RIMS3: variants seen among roughly 807,000 people sequenced by gnomAD.
RIMS3 encodes regulating synaptic membrane exocytosis 3.
RIMS3 carries 15 observed loss-of-function variants against 29.2 expected under a neutral mutation model. That is an observed-to-expected ratio of 0.51 (90% confidence interval 0.34 to 0.79). The LOEUF is 0.79. Ranked by LOEUF, RIMS3 falls within the 30% of genes least tolerant of loss-of-function variation. RIMS3 has a pLI of 0.01. For synonymous variants in RIMS3, 161 were observed against 170.1 expected (o/e 0.95, Z 0.41); for missense variants, 342 against 421.4 (o/e 0.81, Z 1.65).
In RIMS3 at chr1:40,621,130, T is replaced by G. The variant is rs1012936731; in HGVS notation, c.*5387A>C. 2.0e-4 allele frequency: 30 copies of G among 152,192 alleles called. No homozygotes were observed. The highest frequency in any genetic ancestry group is 6.8e-4 in the African/African-American group (28 of 41,438). The allele number at this position is 152,192 out of a possible 1,614,324, so 9.4% of individuals were successfully genotyped here. A position where few individuals can be genotyped will look rare whatever the true frequency, so the allele number is the denominator to read the frequency against. On this transcript the variant is annotated 3_prime_UTR_variant, in exon 8 of 8. Transcript: ENST00000372684. ...AGTGGTCTTAAGAAGCAAACTACTT[T>G]GAAGGGAAATAAGTTCCCTCTCTCC...
chr1:40,627,211 C>T (rs1413864502), intron 7 of RIMS3, among the ~76,000 whole-genome samples: 1 of 152,140 alleles, frequency 6.6e-6, no homozygotes, highest in East Asian at 1.9e-4. Context: ...CTCACTGGAC[C>T]TCAGTGTTTC....
chr1:40,629,688 C>A (rs986267664), intron 5 of RIMS3, among the ~76,000 whole-genome samples: 1 of 152,106 alleles, frequency 6.6e-6, no homozygotes, highest in African/African-American at 2.4e-5. Flanking sequence ...AGCAGAATAG[C>A]AAACTTGAGG....
chr1:40,633,188 G>A lies in RIMS3; in HGVS notation c.360-7C>T, dbSNP rs1312923442. The stretch of plus-strand genomic sequence containing the variant: ...GGTAGTGGGGAAGATGAACCTGCAG[G>A]AGGAGGCAGAGGGACGCGTGAGGGG... On this transcript the variant is annotated splice_polypyrimidine_tract_variant and splice_region_variant and intron_variant, in intron 4 of 7. Transcript: ENST00000372684. The A allele has an allele frequency of 2.5e-6, 4 of 1,611,010 alleles. No individual in the cohort carries two copies. Among genetic ancestry groups the A allele is most frequent in the Admixed American group, 1.7e-5 (1 of 60,002 alleles).
chr1:40,680,733 A>G, the RIMS3 span, among the ~76,000 whole-genome samples: 1 of 152,242 alleles, frequency 6.6e-6, no homozygotes. Context: ...TGCTATGTGC[A>G]ATTAATTCAA....
At chr1:40,670,577 TA>T (rs1395885732), upstream of RIMS3, among the ~76,000 whole-genome samples, 2 of 69,410 alleles carry the variant, frequency 2.9e-5, no homozygotes, top group Non-Finnish European at 6.1e-5. Context: ...TATAATTTTA[TA>T]TATATATATA....
Position 40,625,733 on chromosome 1 carries a change from C to G in RIMS3, c.*784G>C, listed in dbSNP as rs1033449437. ...GCTTGAAGAGACAGGAGATGAAGAA[C>G]AAATGCTAAGGGGGCACCTGGCCAG... On this transcript the variant is annotated 3_prime_UTR_variant, in exon 8 of 8. Transcript: ENST00000372684. 1 of 152,722 alleles carries G rather than the reference C, an allele frequency of 6.5e-6. No homozygotes were observed. The highest frequency in any genetic ancestry group is 1.5e-5 in the Non-Finnish European group (1 of 68,212). 9.5% of individuals were successfully genotyped at this position (152,722 alleles called of 1,614,324 possible).
At chr1:40,667,435 G>A (rs1470047926), upstream of RIMS3, among the ~76,000 whole-genome samples, 2 of 152,114 alleles carry the variant, frequency 1.3e-5, no homozygotes, top group East Asian at 3.9e-4. Context: ...GGCTTCCTGT[G>A]TGCTCCTCCC....
intron 3 of RIMS3, among the ~76,000 whole-genome samples, chr1:40,639,395 A>T (rs1162776376): frequency 2.6e-5 from 4 of 152,204 alleles, no homozygotes; most frequent in Admixed American, 2.0e-4. Context: ...TGGAGAAGGA[A>T]TTCTAGATGG....
Position 40,625,768 on chromosome 1 carries a change from A to C in RIMS3, c.*749T>G, listed in dbSNP as rs1367954930. On this transcript the variant is annotated 3_prime_UTR_variant, in exon 8 of 8. Coordinates refer to ENST00000372684, the MANE Select transcript of RIMS3 (RefSeq NM_014747.3). ...GGGGGCACCTGGCCAGGAACCCTGGAACCAAGACCTCGTGCTTCACTGGAA... is the reference window on the plus strand; with the variant it reads ...GGGGGCACCTGGCCAGGAACCCTGGCACCAAGACCTCGTGCTTCACTGGAA... 1 of 152,956 alleles carries C rather than the reference A, an allele frequency of 6.5e-6. No homozygotes were observed. The highest frequency in any genetic ancestry group is 1.5e-5 in the Non-Finnish European group (1 of 68,366). The allele number at this position is 152,956 out of a possible 1,614,324, so 9.5% of individuals were successfully genotyped here. A position where few individuals can be genotyped will look rare whatever the true frequency, so the allele number is the denominator to read the frequency against.
chr1:40,629,224 G>A (rs768762286), intron 6 of RIMS3, 47 bp downstream of exon 6: 27 of 1,500,346 alleles, frequency 1.8e-5, no homozygotes, highest in East Asian at 6.8e-5. Context: ...CCCAGAGCTC[G>A]GCTCTATGCC....
the RIMS3 span, among the ~76,000 whole-genome samples, chr1:40,671,620 C>T: frequency 2.6e-5 from 4 of 152,142 alleles, no homozygotes; most frequent in African/African-American, 9.7e-5. Flanking sequence ...CCATGTAAGA[C>T]GCGCTGGCTC....
chr1:40,628,156 C>T (rs916192697), intron 7 of RIMS3, among the ~76,000 whole-genome samples: 19 of 152,188 alleles, frequency 1.2e-4, no homozygotes, highest in Admixed American at 7.9e-4. Flanking sequence ...CACATCTACC[C>T]GCGGCTAATG....
At position 40,628,833 on chromosome 1, in the gene RIMS3, C is replaced by T. The variant is rs1646470570; in HGVS notation, c.691G>A (p.Gly231Arg). The change falls in exon 7 of 8, where the codon GGA becomes AGA. Residue 231 changes from glycine (G) to arginine (R), a missense_variant. Physicochemically the swap from Gly to Arg is moderately radical, Grantham distance 125. Transcript: ENST00000372684. Reference sequence around the variant, plus strand: ...ACCTGCAGCACCTTGCCCTGGGGTCCCTCGTCAAAGAGCAGAGCCTGCTGG... The same window carrying T: ...ACCTGCAGCACCTTGCCCTGGGGTCTCTCGTCAAAGAGCAGAGCCTGCTGG... ...LYQQALLFDE[G>R]PQGKVLQVIV... 5 of 1,614,158 alleles carry T rather than the reference C, an allele frequency of 3.1e-6. No individual in the cohort carries two copies. Among genetic ancestry groups the T allele is most frequent in the Non-Finnish European group, 4.2e-6 (5 of 1,180,036 alleles).
chr1:40,632,180 A>AGCG (rs1646493110), intron 5 of RIMS3, among the ~76,000 whole-genome samples: 1 of 151,926 alleles, frequency 6.6e-6, no homozygotes, highest in South Asian at 2.1e-4. Context: ...CACTGCAACC[A>AGCG]GCTTCTTCCA....
At chr1:40,685,347 TA>T in the RIMS3 span, among the ~76,000 whole-genome samples, 1 of 46,522 alleles carries the variant, frequency 2.1e-5, no homozygotes, top group Non-Finnish European at 4.2e-5. Flanking sequence ...TTATATTATA[TA>T]TATATTATAT....
chr1:40,644,987 A>C (rs144805646), intron 2 of RIMS3, among the ~76,000 whole-genome samples: 3 of 152,386 alleles, frequency 2.0e-5, no homozygotes, highest in African/African-American at 2.4e-5. Flanking sequence ...TCACCTGGTC[A>C]GCATGGCTCC....
chr1:40,669,582 C>A (rs1642466520), upstream of RIMS3: 1 of 152,212 alleles, frequency 6.6e-6, no homozygotes, highest in South Asian at 2.1e-4. Flanking sequence ...GGAGGGATCC[C>A]AGAGGAGACG....
chr1:40,645,173 T>G (rs1437706479), intron 2 of RIMS3, among the ~76,000 whole-genome samples: 1 of 152,222 alleles, frequency 6.6e-6, no homozygotes, highest in Non-Finnish European at 1.5e-5. Flanking sequence ...GACTGGGGCC[T>G]ATGATGATCT....
chr1:40,659,598 AG>A (rs1360327216), intron 1 of RIMS3, among the ~76,000 whole-genome samples: 5 of 152,206 alleles, frequency 3.3e-5, no homozygotes, highest in Non-Finnish European at 7.3e-5. Flanking sequence ...CAGAGTTCAC[AG>A]CCTAGCATGA....
Sources: gnomAD v4.1 joint callset for allele counts (sites outside exome capture counted in the v4.1 genomes callset) on GRCh38, gnomAD v4.1.1 for gene constraint, MANE v1.5 for transcripts, NCBI Gene and HGNC (gene_info 2026-07-23, HGNC 2026-07-21) for gene names.